KPNB1: variants seen among roughly 807,000 people sequenced by gnomAD.
The protein encoded by KPNB1 is importin subunit beta-1.
A neutral mutation model predicts 113.0 loss-of-function variants in KPNB1; 7 were observed. The ratio of observed to expected loss-of-function variants is 0.06; its 90% CI spans 0.04 to 0.12. The LOEUF is 0.12. KPNB1 is among the 10% of genes least tolerant of loss of function. KPNB1 has a pLI of 1.00. For synonymous variants in KPNB1, 363 were observed against 378.6 expected (o/e 0.96, Z 0.48); for missense variants, 400 against 1,054.8 (o/e 0.38, Z 8.60).
intron 15 of KPNB1, among the ~76,000 whole-genome samples, chr17:47,675,398 T>TTTTTTTTTTTTTTTTTTTG (rs2030586875): frequency 7.0e-6 from 1 of 142,068 alleles, no homozygotes; most frequent in Non-Finnish European, 1.5e-5. Context: ...TGTTTTTTTT[T>TTTTTTTTTTTTTTTTTTTG]TGAGACTTGT....
intron 19 of KPNB1, chr17:47,678,658 A>T: frequency 2.3e-6 from 1 of 435,360 alleles, no homozygotes; most frequent in Non-Finnish European, 4.2e-6. Context: ...CCCAGGCTGG[A>T]GTGCAGTCGT....
chr17:47,685,041 A>T lies in KPNB1; in HGVS notation c.*2637A>T, dbSNP rs1378090987. 6.6e-6 allele frequency: 1 copy of T among 152,178 alleles called. No homozygotes were observed. Among genetic ancestry groups the T allele is most frequent in the Non-Finnish European group, 1.5e-5 (1 of 68,028 alleles). The allele number at this position is 152,178 out of a possible 1,614,324, so 9.4% of individuals were successfully genotyped here. A position where few individuals can be genotyped will look rare whatever the true frequency, so the allele number is the denominator to read the frequency against. ...AGATGTCAGTGCAAATGTGAAGATA[A>T]TGGGCATCGGACTAGGCTTTGGTTT... On this transcript the variant is annotated 3_prime_UTR_variant, in exon 22 of 22. Coordinates refer to ENST00000290158, the MANE Select transcript of KPNB1 (RefSeq NM_002265.6).
chr17:47,682,680 T>TAAAAA lies in KPNB1; in HGVS notation c.*281_*285dup, dbSNP rs1434076303. ...GAGAAAAACAATGGAGTTACTTATTTAAAAAAAAAGAAAGAAAGTTATCTC... is the reference window on the plus strand; with the variant it reads ...GAGAAAAACAATGGAGTTACTTATTTAAAAAAAAAAAAAAGAAAGAAAGTTATCTC... On this transcript the variant is annotated 3_prime_UTR_variant, in exon 22 of 22. Coordinates refer to ENST00000290158, the MANE Select transcript of KPNB1 (RefSeq NM_002265.6). 2.1e-6 allele frequency: 1 copy of TAAAAA among 478,834 alleles called. No homozygotes were observed. The highest frequency in any genetic ancestry group is 3.7e-6 in the Non-Finnish European group (1 of 269,764). The allele number at this position is 478,834 out of a possible 1,614,324, so 29.7% of individuals were successfully genotyped here.
chr17:47,668,440 G>A (rs1254259434), intron 10 of KPNB1, 30 bp downstream of exon 10: 2 of 1,546,384 alleles, frequency 1.3e-6, no homozygotes, highest in Non-Finnish European at 1.8e-6. Context: ...GGAGTAGAAA[G>A]TAGGATATTT....
intron 17 of KPNB1, 138 bp from the exon 18 acceptor site, chr17:47,677,908 A>G (rs943035080): frequency 9.7e-6 from 8 of 821,980 alleles, no homozygotes; most frequent in African/African-American, 3.4e-5. Flanking sequence ...TGAGGTGCAA[A>G]TGGGAAAGGT....
At position 47,666,560 on chromosome 17, in the gene KPNB1, AT is replaced by A. The variant is rs1298098959; in HGVS notation, c.999+1403del. On this transcript the variant is annotated intron_variant, in intron 9 of 21. Coordinates refer to ENST00000290158, the MANE Select transcript of KPNB1 (RefSeq NM_002265.6). ...TATATTATATATTATATATTATGTTATATGTTATATATTTTATATGTACTAC... is the reference window on the plus strand; with the variant it reads ...TATATTATATATTATATATTATGTTAATGTTATATATTTTATATGTACTAC... Among the ~76,000 whole-genome samples, 356 of 140,482 alleles carry A rather than the reference AT, an allele frequency of 2.5e-3. 3 individuals carry two copies. Among genetic ancestry groups the A allele is most frequent in the African/African-American group, 8.0e-3 (308 of 38,680 alleles). The allele number at this position is 140,482 out of a possible 152,430, so 92.2% of individuals were successfully genotyped here.
At chr17:47,667,738 A>G (rs993757476) in intron 9 of KPNB1, among the ~76,000 whole-genome samples, 1 of 151,384 alleles carries the variant, frequency 6.6e-6, no homozygotes, top group African/African-American at 2.4e-5. Context: ...TTGTATTTTT[A>G]GTAGAGATGG....
In KPNB1 at chr17:47,674,285, G is replaced by A. The variant is rs370491363; in HGVS notation, c.1768-353G>A. ...TTTGTTTTATGAATAAGAGCTCTAAGGTGATAGGGCCTTCTCTAAAGCTGA... is the reference window on the plus strand; with the variant it reads ...TTTGTTTTATGAATAAGAGCTCTAAAGTGATAGGGCCTTCTCTAAAGCTGA... On this transcript the variant is annotated intron_variant, in intron 14 of 21. Coordinates refer to ENST00000290158, the MANE Select transcript of KPNB1 (RefSeq NM_002265.6). 1.4e-3 allele frequency among the ~76,000 whole-genome samples: 212 copies of A among 152,288 alleles called. 6 individuals are homozygous for A. In the South Asian group the frequency reaches 0.041, roughly 30 times the overall value.
At chr17:47,650,634 C>T (rs1024044169) in intron 2 of KPNB1, among the ~76,000 whole-genome samples, 190 bp downstream of exon 2, 6 of 151,728 alleles carry the variant, frequency 4.0e-5, no homozygotes, top group Admixed American at 2.6e-4. Context: ...TGTGTCCCGC[C>T]CCGGGCCTCG....
At chr17:47,670,379 T>C (rs2030409932) in intron 11 of KPNB1, 1 of 247,282 alleles carries the variant, frequency 4.0e-6, no homozygotes, top group African/African-American at 2.2e-5. Flanking sequence ...TAGAGAGTTG[T>C]CAGATTATCA....
chr17:47,669,680 T>A lies in KPNB1; in HGVS notation c.1227T>A (p.Ala409=). ...GCTAATAACTGTTATATTTTCAGGC[T>A]ATGCCCACCCTAATAGAATTAATGA... ...PSQLKPLVIQ[A]MPTLIELMKD... The change falls in exon 11 of 22, where the codon GCT becomes GCA. Residue 409 remains alanine, a splice_region_variant and synonymous_variant. Transcript: ENST00000290158. 1.3e-6 allele frequency: 2 copies of A among 1,589,468 alleles called. No individual in the cohort carries two copies. The highest frequency in any genetic ancestry group is 1.7e-6 in the Non-Finnish European group (2 of 1,159,024).
In KPNB1 at chr17:47,650,275, G is replaced by T; in HGVS notation, c.31G>T (p.Val11Leu). MELITILEKTVSPDRLELEAA... is the reference protein window; with the variant it reads MELITILEKTLSPDRLELEAA... ...GCTGATCACCATTCTCGAGAAGACCGTGTCTCCCGGTAGGACGCAGGAGCC... is the reference window on the plus strand; with the variant it reads ...GCTGATCACCATTCTCGAGAAGACCTTGTCTCCCGGTAGGACGCAGGAGCC... Residue 11 changes from valine to leucine, a missense_variant, in exon 1 of 22, where the codon GTG becomes TTG. Around this residue, in one of 2 missense-constraint regions of KPNB1, gnomAD observed 285 missense variants for 627.0 expected, o/e 0.45. Coordinates refer to ENST00000290158, the MANE Select transcript of KPNB1 (RefSeq NM_002265.6). 1 of 1,603,248 alleles carries T rather than the reference G, an allele frequency of 6.2e-7. No individual in the cohort carries two copies. The highest frequency in any genetic ancestry group is 8.5e-7 in the Non-Finnish European group (1 of 1,174,992).
Position 47,682,481 on chromosome 17 carries a change from G to C in KPNB1, c.*77G>C. ...CTTTTGAAAAACCTGGAAGTGAGGA[G>C]TGTGCACGGATGCTGAATGTTTGGG... On this transcript the variant is annotated 3_prime_UTR_variant, in exon 22 of 22. Transcript: ENST00000290158. 1.3e-6 allele frequency: 1 copy of C among 778,028 alleles called. No homozygotes were observed. The highest frequency in any genetic ancestry group is 2.4e-5 in the East Asian group (1 of 41,244). 48.2% of individuals were successfully genotyped at this position (778,028 alleles called of 1,614,324 possible). A position where few individuals can be genotyped will look rare whatever the true frequency, so the allele number is the denominator to read the frequency against.
In KPNB1 at chr17:47,665,083, G is replaced by T. The variant is rs745783913; in HGVS notation, c.924G>T (p.Glu308Asp). The T allele has an allele frequency of 6.2e-7, 1 of 1,614,176 alleles. No homozygotes were observed. Among genetic ancestry groups the T allele is most frequent in the South Asian group, 1.1e-5 (1 of 91,084 alleles). The change falls in exon 9 of 22, where the codon GAG becomes GAT. Residue 308 changes from glutamate (E) to aspartate (D), a missense_variant. By Grantham distance (45) the Glu-to-Asp change is conservative. Around this residue, in one of 2 missense-constraint regions of KPNB1, gnomAD observed 285 missense variants for 627.0 expected, o/e 0.45. Coordinates refer to ENST00000290158, the MANE Select transcript of KPNB1 (RefSeq NM_002265.6). ...CAGCAGAACAAGGACGGCCCCCTGA[G>T]CACACCAGCAAGTTTTATGCGAAGG... is the stretch of plus-strand genomic sequence containing the variant. ...SEAAEQGRPP[E>D]HTSKFYAKGA...
In KPNB1 at chr17:47,674,795, T is replaced by C. The variant is rs779102005; in HGVS notation, c.1912+13T>C. On this transcript the variant is annotated intron_variant, in intron 15 of 21. Coordinates refer to ENST00000290158, the MANE Select transcript of KPNB1 (RefSeq NM_002265.6). Reference sequence around the variant, plus strand: ...ACACTGGTGGAAGGTCGGTGAGAAATACTGTCTGGTCAGGGAATGTCTTTG... The same window carrying C: ...ACACTGGTGGAAGGTCGGTGAGAAACACTGTCTGGTCAGGGAATGTCTTTG... 5.0e-5 allele frequency: 80 copies of C among 1,602,902 alleles called. No homozygotes were observed. The highest frequency in any genetic ancestry group is 7.0e-5 in the Admixed American group (4 of 57,282).
intron 9 of KPNB1, among the ~76,000 whole-genome samples, chr17:47,666,168 C>T (rs1191168763): frequency 6.6e-6 from 1 of 151,996 alleles, no homozygotes; most frequent in Non-Finnish European, 1.5e-5. Flanking sequence ...GTGTCCCACT[C>T]TAGCCTCCCC....
At position 47,650,980 on chromosome 17, in the gene KPNB1, A is replaced by G. The variant is rs549677136; in HGVS notation, c.99+536A>G. Among the ~76,000 whole-genome samples, 7 of 150,644 alleles carry G rather than the reference A, an allele frequency of 4.6e-5. No homozygotes were observed. The East Asian group carries it at 1.4e-3, about 29-fold the overall frequency. On this transcript the variant is annotated intron_variant, in intron 2 of 21. Transcript: ENST00000290158. Reference sequence around the variant, plus strand: ...CTGGCACCCGACTGCCTCTTAACCCATTTCCACTGATATTTTTCCCTCTTT... The same window carrying G: ...CTGGCACCCGACTGCCTCTTAACCCGTTTCCACTGATATTTTTCCCTCTTT...
intron 12 of KPNB1, 43 bp from the exon 13 acceptor site, chr17:47,672,975 C>T: frequency 6.3e-7 from 1 of 1,582,096 alleles, no homozygotes; most frequent in Non-Finnish European, 8.6e-7. Flanking sequence ...CTTCCCTGTC[C>T]TTTTCATTTG....
rs1567885601 is a variant in KPNB1 at position 47,650,453 on chromosome 17, T to G, written c.99+9T>G. The G allele has an allele frequency of 6.3e-7, 1 of 1,583,066 alleles. No individual in the cohort carries two copies. Among genetic ancestry groups the G allele is most frequent in the South Asian group, 1.1e-5 (1 of 88,492 alleles). ...CGGCCGTGGAGAACCTGGTGCGTGC[T>G]ACCCCGCCGCGCCCATCCCGCCGCG... On this transcript the variant is annotated intron_variant, in intron 2 of 21. Coordinates refer to ENST00000290158, the MANE Select transcript of KPNB1 (RefSeq NM_002265.6).
Sources: gnomAD v4.1 joint callset for allele counts (sites outside exome capture counted in the v4.1 genomes callset) on GRCh38, gnomAD v4.1.1 for gene constraint, gnomAD v4.1.1 regional missense constraint, MANE v1.5 for transcripts, NCBI Gene and HGNC (gene_info 2026-07-23, HGNC 2026-07-21) for gene names.